The following BRIP1 variants were observed in gnomAD, a reference collection of about 807,000 sequenced individuals.
The protein encoded by BRIP1 is Fanconi anemia group J protein.
In BRIP1, 88 loss-of-function variants were observed where a neutral mutation model predicts 119.7. The observed-to-expected ratio is 0.74, with a 90% CI of 0.62 to 0.88. The LOEUF is 0.88. BRIP1 is among the 40% of genes least tolerant of loss of function. BRIP1 has a pLI of 0.00. For missense variants in BRIP1, 1,259 were observed against 1,455.4 expected (o/e 0.87, Z 2.20); for synonymous variants, 443 against 496.5 (o/e 0.89, Z 1.43).
rs1033693489 is a variant in BRIP1 at position 61,803,864 on chromosome 17, T to C, written c.919-2390A>G. Among the ~76,000 whole-genome samples, 27 of 152,144 alleles carry C rather than the reference T, an allele frequency of 1.8e-4. No homozygotes were observed. Among genetic ancestry groups the C allele is most frequent in the Middle Eastern group, 3.4e-3 (1 of 292 alleles). On this transcript the variant is annotated intron_variant, in intron 7 of 19. Coordinates refer to ENST00000259008, the MANE Select transcript of BRIP1 (RefSeq NM_032043.3). This position sits in a 1 kb window ranked among gnomAD's most constrained non-coding sequence, Gnocchi z 4.3. ...CCTGTACTGTTAAATAGCCAAAAAATTGAAAATTAACCAAATGTCTACCCA... is the reference window on the plus strand; with the variant it reads ...CCTGTACTGTTAAATAGCCAAAAAACTGAAAATTAACCAAATGTCTACCCA...
rs1367805223 is a variant in BRIP1, at chr17:61,710,843, C to A, written c.2492+5108G>T. On this transcript the variant is annotated intron_variant, in intron 17 of 19. Coordinates refer to ENST00000259008, the MANE Select transcript of BRIP1 (RefSeq NM_032043.3). This position sits in a 1 kb window ranked among gnomAD's most constrained non-coding sequence, Gnocchi z 5.4. Reference sequence around the variant, plus strand: ...ATCATCTGAGGTCAGGAGTTTGAGACCAGCCTGTCCATCATGGTGAAACCC... The same window carrying A: ...ATCATCTGAGGTCAGGAGTTTGAGAACAGCCTGTCCATCATGGTGAAACCC... 1.3e-5 allele frequency among the ~76,000 whole-genome samples: 2 copies of A among 151,958 alleles called. No individual in the cohort carries two copies. Among genetic ancestry groups the A allele is most frequent in the African/African-American group, 4.8e-5 (2 of 41,368 alleles).
rs148556781 is a variant in BRIP1 at position 61,808,516 on chromosome 17, C to T, written c.869G>A (p.Gly290Asp). Residue 290 changes from glycine (G) to aspartate (D), a missense_variant, in exon 7 of 20, where the codon GGT (glycine) becomes GAT (aspartate). Physicochemically the swap from Gly to Asp is moderately conservative, Grantham distance 94. This residue lies in a region of BRIP1 where 501 missense variants were observed against 544.0 expected (regional missense o/e 0.92). Transcript: ENST00000259008. The surrounding 1 kb of genome is among the most constrained non-coding windows in gnomAD (Gnocchi z 4.1). ...DHTCVHPEVV[G>D]NFNRNEKCME... ...GCACTTCTCATTTCTGTTGAAGTTACCGACTACCTCAGGATGGACACAAGT... is the reference window on the plus strand; with the variant it reads ...GCACTTCTCATTTCTGTTGAAGTTATCGACTACCTCAGGATGGACACAAGT... 1.2e-6 allele frequency: 2 copies of T among 1,613,646 alleles called. No individual in the cohort carries two copies. Among genetic ancestry groups the T allele is most frequent in the African/African-American group, 2.7e-5 (2 of 74,902 alleles).
At chr17:61,715,909 C>A (rs1197073323) in intron 17 of BRIP1, 42 bp downstream of exon 17, 1 of 1,259,954 alleles carries the variant, frequency 7.9e-7, no homozygotes, top group African/African-American at 1.5e-5. Flanking sequence ...ATATATATAG[C>A]CCTGTCACAG....
rs1480434981 is a variant in BRIP1 at position 61,759,424 on chromosome 17, A to G, written c.2098-14833T>C. 6.6e-6 allele frequency among the ~76,000 whole-genome samples: 1 copy of G among 152,216 alleles called. No individual in the cohort carries two copies. Among genetic ancestry groups the G allele is most frequent in the African/African-American group, 2.4e-5 (1 of 41,462 alleles). ...AACATCAAAGTACCTAAATATATAA[A>G]GCAAGTATTAAAGGATCTGAAAAGA... On this transcript the variant is annotated intron_variant, in intron 14 of 19. Coordinates refer to ENST00000259008, the MANE Select transcript of BRIP1 (RefSeq NM_032043.3). This position sits in a 1 kb window ranked among gnomAD's most constrained non-coding sequence, Gnocchi z 4.9.
In BRIP1 at chr17:61,683,433, T is replaced by C. The variant is rs1345178694; in HGVS notation, c.3613A>G (p.Lys1205Glu). The C allele has an allele frequency of 6.2e-7, 1 of 1,613,630 alleles. No individual in the cohort carries two copies. The highest frequency in any genetic ancestry group is 1.3e-5 in the African/African-American group (1 of 74,936). Reference protein sequence around the residue: ...LNGILHIEESKIDDIDGNVKT... With the variant: ...LNGILHIEESEIDDIDGNVKT... The stretch of plus-strand genomic sequence containing the variant: ...ACATTACCATCAATGTCATCAATTT[T>C]ACTTTCTTCAATATGCAGAATTCCA... The change falls in exon 20 of 20, where the codon AAA (lysine) becomes GAA (glutamate). Residue 1205 changes from lysine (K) to glutamate (E), a missense_variant. By Grantham distance (56) the Lys-to-Glu change is moderately conservative (BLOSUM62 1). Coordinates refer to ENST00000259008, the MANE Select transcript of BRIP1 (RefSeq NM_032043.3). The surrounding 1 kb of genome is among the most constrained non-coding windows in gnomAD (Gnocchi z 4.7).
intron 10 of BRIP1, among the ~76,000 whole-genome samples, chr17:61,787,311 T>TTATATACTATATAAAATATATAAAAA (rs1319093358): frequency 0.044 from 4,736 of 106,704 alleles, 264 homozygotes; most frequent in South Asian, 0.16. Context: ...TAAAAATATA[T>TTATATACTATATAAAATATATAAAAA]TATATACTAT....
In BRIP1 at chr17:61,794,208, T is replaced by A. The variant is rs551356158; in HGVS notation, c.1341-479A>T. On this transcript the variant is annotated intron_variant, in intron 9 of 19. Coordinates refer to ENST00000259008, the MANE Select transcript of BRIP1 (RefSeq NM_032043.3). This position sits in a 1 kb window ranked among gnomAD's most constrained non-coding sequence, Gnocchi z 4.3. Reference sequence around the variant, plus strand: ...TTGAATGCCTATTTTATTCCAGACATTGTTCTGGGTAGTGAAAATAACAGC... The same window carrying A: ...TTGAATGCCTATTTTATTCCAGACAATGTTCTGGGTAGTGAAAATAACAGC... Among the ~76,000 whole-genome samples the A allele has an allele frequency of 7.9e-4, 120 of 152,288 alleles. No homozygotes were observed. The highest frequency in any genetic ancestry group is 2.9e-3 in the African/African-American group (119 of 41,552).
Position 61,701,826 on chromosome 17 carries a change from G to A in BRIP1, c.2493-8314C>T, listed in dbSNP as rs1490682383. On this transcript the variant is annotated intron_variant, in intron 17 of 19. Transcript: ENST00000259008. The surrounding 1 kb of genome is among the most constrained non-coding windows in gnomAD (Gnocchi z 5.1). ...CAAATAAAGATAGCCTTGTGAGTGG[G>A]GTCTTCCAGGAAACTCCCAGGTAGG... Among the ~76,000 whole-genome samples, 2 of 152,098 alleles carry A rather than the reference G, an allele frequency of 1.3e-5. No homozygotes were observed. Among genetic ancestry groups the A allele is most frequent in the Non-Finnish European group, 2.9e-5 (2 of 68,012 alleles).
At position 61,806,341 on chromosome 17, in the gene BRIP1, G is replaced by T. The variant is rs2078072964; in HGVS notation, c.918+2126C>A. ...ATTACAATACCAAATTACTAACAGGGCTTGAGAACAAGAAAGAGGATGTTC... is the reference window on the plus strand; with the variant it reads ...ATTACAATACCAAATTACTAACAGGTCTTGAGAACAAGAAAGAGGATGTTC... On this transcript the variant is annotated intron_variant, in intron 7 of 19. Coordinates refer to ENST00000259008, the MANE Select transcript of BRIP1 (RefSeq NM_032043.3). This position sits in a 1 kb window ranked among gnomAD's most constrained non-coding sequence, Gnocchi z 4.9. 6.6e-6 allele frequency among the ~76,000 whole-genome samples: 1 copy of T among 152,186 alleles called. No individual in the cohort carries two copies. Among genetic ancestry groups the T allele is most frequent in the South Asian group, 2.1e-4 (1 of 4,824 alleles).
chr17:61,680,181 TAAAA>T lies in BRIP1; in HGVS notation c.*3111_*3114del, dbSNP rs35235448. ...AACATGGTGAAACCCTGTCGATACTTAAAAAAAAAAAAAAAAAAAAATTAGCTGG... is the reference window on the plus strand; with the variant it reads ...AACATGGTGAAACCCTGTCGATACTTAAAAAAAAAAAAAAAAATTAGCTGG... On this transcript the variant is annotated 3_prime_UTR_variant, in exon 20 of 20. Coordinates refer to ENST00000259008, the MANE Select transcript of BRIP1 (RefSeq NM_032043.3). Among the ~76,000 whole-genome samples the T allele has an allele frequency of 2.3e-5, 3 of 127,942 alleles. No individual in the cohort carries two copies. The highest frequency in any genetic ancestry group is 8.7e-5 in the African/African-American group (3 of 34,448). The allele number at this position is 127,942 out of a possible 152,430, so 83.9% of individuals were successfully genotyped here.
rs1341284388 is a variant in BRIP1 at position 61,852,264 on chromosome 17, G to A, written c.380-3008C>T. Among the ~76,000 whole-genome samples, 1 of 152,210 alleles carries A rather than the reference G, an allele frequency of 6.6e-6. No individual in the cohort carries two copies. The highest frequency in any genetic ancestry group is 1.5e-5 in the Non-Finnish European group (1 of 68,024). Reference sequence around the variant, plus strand: ...CCTGGTCTTGATAGCAAGGGAGTTTGAAGGAAGTTCATCAAAGGGGTAAAA... The same window carrying A: ...CCTGGTCTTGATAGCAAGGGAGTTTAAAGGAAGTTCATCAAAGGGGTAAAA... On this transcript the variant is annotated intron_variant, in intron 4 of 19. Transcript: ENST00000259008. This position sits in a 1 kb window ranked among gnomAD's most constrained non-coding sequence, Gnocchi z 4.9.
Position 61,793,519 on chromosome 17 carries a change from G to C in BRIP1, c.1473+78C>G, listed in dbSNP as rs1427227963. On this transcript the variant is annotated intron_variant, in intron 10 of 19. Transcript: ENST00000259008. This position sits in a 1 kb window ranked among gnomAD's most constrained non-coding sequence, Gnocchi z 5.2. ...TTTAACAATTCTGGGTTACTCACTA[G>C]ATTTAATCTGGATTTAGTCACGACT... 2.2e-6 allele frequency: 3 copies of C among 1,395,042 alleles called. No homozygotes were observed. Among genetic ancestry groups the C allele is most frequent in the African/African-American group, 2.9e-5 (2 of 69,992 alleles). The allele number at this position is 1,395,042 out of a possible 1,614,324, so 86.4% of individuals were successfully genotyped here.
chr17:61,772,167 A>ATATATATATATATATATATATT (rs1465079556), intron 14 of BRIP1, among the ~76,000 whole-genome samples: 8 of 20,642 alleles, frequency 3.9e-4, no homozygotes, highest in African/African-American at 1.1e-3. Flanking sequence ...TTATATATAT[A>ATATATATATATATATATATATT]TATATATATA....
At chr17:61,787,935 C>T (rs1250092091) in intron 10 of BRIP1, among the ~76,000 whole-genome samples, 1 of 152,142 alleles carries the variant, frequency 6.6e-6, no homozygotes, top group Non-Finnish European at 1.5e-5. Flanking sequence ...TGAGCCACTG[C>T]GCCTGGCCCA....
chr17:61,778,021 T>A lies in BRIP1; in HGVS notation c.1936-1459A>T, dbSNP rs186463530. On this transcript the variant is annotated intron_variant, in intron 13 of 19. Coordinates refer to ENST00000259008, the MANE Select transcript of BRIP1 (RefSeq NM_032043.3). The surrounding 1 kb of genome is among the most constrained non-coding windows in gnomAD (Gnocchi z 4.4). ...AGCATACAAAATGTCACTTTGGAGA[T>A]TCTAAGGATTTTAGGAGTTGTATGC... is the stretch of plus-strand genomic sequence containing the variant. Among the ~76,000 whole-genome samples, 162 of 152,254 alleles carry A rather than the reference T, an allele frequency of 1.1e-3. No homozygotes were observed. The highest frequency in any genetic ancestry group is 1.8e-3 in the Non-Finnish European group (124 of 68,022).
chr17:61,785,644 A>G (rs78603262), intron 10 of BRIP1, among the ~76,000 whole-genome samples: 185 of 152,304 alleles, frequency 1.2e-3, no homozygotes, highest in African/African-American at 4.2e-3. Context: ...GAAAGACAAC[A>G]TGAACTTGGA....
rs1302498503 is a variant in BRIP1, at chr17:61,765,380, TA to T, written c.2097+11020del. Among the ~76,000 whole-genome samples the T allele has an allele frequency of 8.5e-4, 24 of 28,272 alleles. 1 individual carries two copies. Among genetic ancestry groups the T allele is most frequent in the East Asian group, 6.3e-3 (6 of 960 alleles). 18.5% of individuals were successfully genotyped at this position (28,272 alleles called of 152,430 possible). A position where few individuals can be genotyped will look rare whatever the true frequency, so the allele number is the denominator to read the frequency against. ...TGTGTGTGTGTGTGTGTGTATATAT[TA>T]TATATATATATATATATATATATAT... On this transcript the variant is annotated intron_variant, in intron 14 of 19. Coordinates refer to ENST00000259008, the MANE Select transcript of BRIP1 (RefSeq NM_032043.3).
intron 18 of BRIP1, among the ~76,000 whole-genome samples, chr17:61,688,190 A>C (rs1405065516): frequency 6.6e-6 from 1 of 152,160 alleles, no homozygotes; most frequent in African/African-American, 2.4e-5. Flanking sequence ...AGAACAAAAG[A>C]GAGTCAGGCG....
At position 61,766,884 on chromosome 17, in the gene BRIP1, T is replaced by C. The variant is rs917351371; in HGVS notation, c.2097+9517A>G. 1.4e-3 allele frequency among the ~76,000 whole-genome samples: 213 copies of C among 152,190 alleles called. 1 individual carries two copies. Among genetic ancestry groups the C allele is most frequent in the Non-Finnish European group, 1.8e-4 (12 of 68,024 alleles). ...TAGAAAAGTTTCTATTCTCTTTATATGGACAGAAACTTCTCTGTCCATATA... is the reference window on the plus strand; with the variant it reads ...TAGAAAAGTTTCTATTCTCTTTATACGGACAGAAACTTCTCTGTCCATATA... On this transcript the variant is annotated intron_variant, in intron 14 of 19. Transcript: ENST00000259008.
Sources: gnomAD v4.1 joint callset for allele counts (sites outside exome capture counted in the v4.1 genomes callset) on GRCh38, gnomAD v4.1.1 for gene constraint, gnomAD v4.1.1 regional missense constraint, Gnocchi (gnomAD v3.1) non-coding constraint, MANE v1.5 for transcripts, NCBI Gene and HGNC (gene_info 2026-07-23, HGNC 2026-07-21) for gene names.